Variants in SLC30A5 observed in about 807,000 individuals in gnomAD.
SLC30A5 encodes proton-coupled zinc antiporter SLC30A5.
In SLC30A5, 33 loss-of-function variants were observed where a neutral mutation model predicts 79.6. The ratio of observed to expected loss-of-function variants is 0.41; its 90% CI spans 0.31 to 0.55. The LOEUF is 0.55. SLC30A5 is among the 20% of genes least tolerant of loss of function. The pLI, the probability that SLC30A5 is intolerant of heterozygous loss-of-function variation, is 0.20. For missense variants in SLC30A5, 788 were observed against 928.1 expected (o/e 0.85, Z 1.96); for synonymous variants, 299 against 319.7 (o/e 0.94, Z 0.69).
Position 69,121,838 on chromosome 5 carries a change from C to A in SLC30A5, c.1714C>A (p.His572Asn). 1 of 1,613,542 alleles carries A rather than the reference C, an allele frequency of 6.2e-7. No individual in the cohort carries two copies. The highest frequency in any genetic ancestry group is 8.5e-7 in the Non-Finnish European group (1 of 1,179,732). The change falls in exon 13 of 16, where the codon CAT becomes AAT. Residue 572 changes from histidine (H) to asparagine (N), a missense_variant. Physicochemically the swap from His to Asn is moderately conservative, Grantham distance 68. This residue lies in a region of SLC30A5 where 626 missense variants were observed against 755.5 expected (regional missense o/e 0.83). Coordinates refer to ENST00000396591, the MANE Select transcript of SLC30A5 (RefSeq NM_022902.5). ...HSHHMHGHSD[H>N]GHGHSHGSAG... Reference sequence around the variant, plus strand: ...ACACCATATGCATGGACACAGTGACCATGGGCATGGTCACAGCCACGGATC... The same window carrying A: ...ACACCATATGCATGGACACAGTGACAATGGGCATGGTCACAGCCACGGATC...
rs576851159 is a variant in SLC30A5, at chr5:69,114,769, G to T, written c.612+273G>T. 9.9e-5 allele frequency among the ~76,000 whole-genome samples: 15 copies of T among 152,268 alleles called. No individual in the cohort carries two copies. The South Asian group carries it at 1.2e-3, about 13-fold the overall frequency. ...AATCCCAGCTCCTCTGGAGGCTGAGGCAGGAGAATCACTTGAACCCGGGAG... is the reference window on the plus strand; with the variant it reads ...AATCCCAGCTCCTCTGGAGGCTGAGTCAGGAGAATCACTTGAACCCGGGAG... On this transcript the variant is annotated intron_variant, in intron 7 of 15. Coordinates refer to ENST00000396591, the MANE Select transcript of SLC30A5 (RefSeq NM_022902.5).
chr5:69,116,439 C>T lies in SLC30A5; in HGVS notation c.1118C>T (p.Thr373Ile). 1 of 1,611,012 alleles carries T rather than the reference C, an allele frequency of 6.2e-7. No individual in the cohort carries two copies. The highest frequency in any genetic ancestry group is 8.5e-7 in the Non-Finnish European group (1 of 1,179,018). The change falls in exon 10 of 16, where the codon ACC (threonine) becomes ATC (isoleucine). Residue 373 changes from threonine to isoleucine, a missense_variant. Physicochemically the swap from Thr to Ile is moderately conservative, Grantham distance 89. This residue lies in a region of SLC30A5 where 626 missense variants were observed against 755.5 expected (regional missense o/e 0.83). Transcript: ENST00000396591. The surrounding 1 kb of genome is among the most constrained non-coding windows in gnomAD (Gnocchi z 4.0). ...SSPSKRGQKG[T>I]LIGYSPEGTP... ...CCCTCTAAGAGAGGACAAAAAGGTA[C>T]CCTTATTGGATATTCTCCTGAAGGA...
In SLC30A5 at chr5:69,128,089, T is replaced by C. The variant is rs373005717; in HGVS notation, c.2084T>C (p.Ile695Thr). ...SASIVAGTIH[I>T]QVTSDVLEQR... is the part of the protein sequence containing the mutation. ...AGTATTGTGGCAGGAACAATTCATA[T>C]ACAGGTGACATCTGATGTGCTAGAA... The change falls in exon 15 of 16, where the codon ATA (isoleucine) becomes ACA (threonine). Residue 695 changes from isoleucine (I) to threonine (T), a missense_variant. Coordinates refer to ENST00000396591, the MANE Select transcript of SLC30A5 (RefSeq NM_022902.5). 1.0e-4 allele frequency: 164 copies of C among 1,612,422 alleles called. No individual in the cohort carries two copies. The highest frequency in any genetic ancestry group is 1.1e-4 in the Non-Finnish European group (126 of 1,178,974).
rs190694304 is a variant in SLC30A5 at position 69,127,506 on chromosome 5, C to T, written c.1999-498C>T. On this transcript the variant is annotated intron_variant, in intron 14 of 15. Transcript: ENST00000396591. Reference sequence around the variant, plus strand: ...AAAAAAAAAAAAAAATTTAGCCAGGCGTGGTGGCGTGCACCCGTAGTCAGC... The same window carrying T: ...AAAAAAAAAAAAAAATTTAGCCAGGTGTGGTGGCGTGCACCCGTAGTCAGC... 3.6e-4 allele frequency among the ~76,000 whole-genome samples: 54 copies of T among 150,218 alleles called. 1 individual carries two copies. The East Asian group carries it at 9.4e-3, about 26-fold the overall frequency.
At chr5:69,110,569 T>C (rs1388110053) in intron 5 of SLC30A5, among the ~76,000 whole-genome samples, 1 of 152,296 alleles carries the variant, frequency 6.6e-6, no homozygotes, top group East Asian at 1.9e-4. Flanking sequence ...TTGAAGAGCT[T>C]TGTGAGTTTA....
chr5:69,113,498 GA>G (rs34871242), intron 6 of SLC30A5, among the ~76,000 whole-genome samples: 12 of 137,436 alleles, frequency 8.7e-5, no homozygotes, highest in Admixed American at 3.7e-4. Context: ...CCTGGTGCTG[GA>G]AAAAAAAAAG....
At chr5:69,108,615 A>T (rs1219665853) in intron 5 of SLC30A5, among the ~76,000 whole-genome samples, 179 bp downstream of exon 5, 1 of 152,146 alleles carries the variant, frequency 6.6e-6, no homozygotes, top group Non-Finnish European at 1.5e-5. Context: ...TGAGGTCAGG[A>T]GCTTGAGACC....
chr5:69,103,847 A>G (rs568431999), intron 3 of SLC30A5: 1 of 814,988 alleles, frequency 1.2e-6, no homozygotes, highest in East Asian at 3.1e-5. Flanking sequence ...AACCTGCGTC[A>G]TAATTTTTTT....
At chr5:69,119,056 A>G (rs1746466505) in intron 12 of SLC30A5, among the ~76,000 whole-genome samples, 1 of 151,832 alleles carries the variant, frequency 6.6e-6, no homozygotes, top group Non-Finnish European at 1.5e-5. Flanking sequence ...CCACCTTGGC[A>G]TCCCAAAGTG....
At position 69,102,947 on chromosome 5, in the gene SLC30A5, G is replaced by C. The variant is rs554918612; in HGVS notation, c.207-115G>C. On this transcript the variant is annotated intron_variant, in intron 2 of 15. Coordinates refer to ENST00000396591, the MANE Select transcript of SLC30A5 (RefSeq NM_022902.5). ...TTAATTCTCCAGTATGATTTATTCA[G>C]AGGATAACACTTCAAGTTCTGGCAT... is the stretch of plus-strand genomic sequence containing the variant. 1.7e-4 allele frequency: 85 copies of C among 502,254 alleles called. No homozygotes were observed. In the African/African-American group the frequency reaches 1.7e-3, roughly 10 times the overall value. The allele number at this position is 502,254 out of a possible 1,614,324, so 31.1% of individuals were successfully genotyped here.
intron 8 of SLC30A5, 23 bp from the exon 9 acceptor site, chr5:69,115,903 C>T (rs777650487): frequency 6.4e-7 from 1 of 1,574,064 alleles, no homozygotes. Flanking sequence ...ATAGTCTTGA[C>T]AATTCTTTTT....
Position 69,118,635 on chromosome 5 carries a change from C to CTT in SLC30A5, c.1569+11_1569+12dup. On this transcript the variant is annotated splice_region_variant and intron_variant, in intron 12 of 15. Transcript: ENST00000396591. The stretch of plus-strand genomic sequence containing the variant: ...AGACACTCACATGTTAACAGTAAGT[C>CTT]TTTTTATTTTCCTATTTGGATTTCT... The CTT allele has an allele frequency of 6.4e-7, 1 of 1,559,398 alleles. No individual in the cohort carries two copies. Among genetic ancestry groups the CTT allele is most frequent in the Non-Finnish European group, 8.6e-7 (1 of 1,159,320 alleles).
chr5:69,118,801 C>CTT (rs35781175), intron 12 of SLC30A5, among the ~76,000 whole-genome samples, 173 bp downstream of exon 12: 277 of 97,254 alleles, frequency 2.8e-3, no homozygotes, highest in Middle Eastern at 5.9e-3. Flanking sequence ...TAGAAATTCT[C>CTT]TTTTTTTTTT....
intron 12 of SLC30A5, 124 bp from the exon 13 acceptor site, chr5:69,121,570 G>T: frequency 1.5e-6 from 1 of 649,880 alleles, no homozygotes; most frequent in Non-Finnish European, 2.5e-6. Context: ...AACTTAGTAA[G>T]GTTTTACTGT....
rs1746589691 is a variant in SLC30A5 at position 69,123,410 on chromosome 5, T to G, written c.1983T>G (p.His661Gln). ...RLPPEYEKEL[H>Q]IALEKIQKIE... The stretch of plus-strand genomic sequence containing the variant: ...CACCAGAATATGAAAAAGAACTACA[T>G]ATTGCTTTAGAAAAGGTACTGTATG... The change falls in exon 14 of 16, where the codon CAT becomes CAG. Residue 661 changes from histidine to glutamine, a missense_variant. Around this residue, in one of 3 missense-constraint regions of SLC30A5, gnomAD observed 158 missense variants for 156.2 expected, o/e 1.01. Transcript: ENST00000396591. The G allele has an allele frequency of 6.2e-7, 1 of 1,612,864 alleles. No individual in the cohort carries two copies. The highest frequency in any genetic ancestry group is 8.5e-7 in the Non-Finnish European group (1 of 1,179,030).
At chr5:69,105,068 TAAG>T (rs1165567737) in intron 4 of SLC30A5, among the ~76,000 whole-genome samples, 5 of 152,262 alleles carry the variant, frequency 3.3e-5, no homozygotes, top group African/African-American at 4.8e-5. Context: ...AATTAGCCAA[TAAG>T]AAGGAGAACA....
At chr5:69,123,456 T>G in intron 14 of SLC30A5, 31 bp downstream of exon 14, 1 of 1,530,056 alleles carries the variant, frequency 6.5e-7, no homozygotes, top group Non-Finnish European at 9.0e-7. Context: ...ACTACTTTCT[T>G]CCTTGAAAAT....
At position 69,120,040 on chromosome 5, in the gene SLC30A5, A is replaced by G. The variant is rs550448559; in HGVS notation, c.1569+1412A>G. Among the ~76,000 whole-genome samples the G allele has an allele frequency of 7.8e-4, 115 of 146,632 alleles. No individual in the cohort carries two copies. In the Middle Eastern group the frequency reaches 0.015, roughly 19 times the overall value. ...CTCAAAAAAAAAAAAAAAAAAAAGT[A>G]GTACATGATTCATTGTACCCTTATT... On this transcript the variant is annotated intron_variant, in intron 12 of 15. Coordinates refer to ENST00000396591, the MANE Select transcript of SLC30A5 (RefSeq NM_022902.5).
At chr5:69,095,196 C>CTTTTTTTT (rs371189827) in intron 1 of SLC30A5, among the ~76,000 whole-genome samples, 6 of 112,308 alleles carry the variant, frequency 5.3e-5, no homozygotes, top group East Asian at 2.4e-4. Flanking sequence ...TATAACGTAA[C>CTTTTTTTT]TTTTTTTTTT....
Sources: gnomAD v4.1 joint callset for allele counts (sites outside exome capture counted in the v4.1 genomes callset) on GRCh38, gnomAD v4.1.1 for gene constraint, gnomAD v4.1.1 regional missense constraint, Gnocchi (gnomAD v3.1) non-coding constraint, MANE v1.5 for transcripts, NCBI Gene and HGNC (gene_info 2026-07-23, HGNC 2026-07-21) for gene names.